The following CSMD2 variants were observed in gnomAD, a reference collection of about 807,000 sequenced individuals.
CSMD2 encodes the protein CUB and Sushi multiple domains 2, also known as CUB and sushi domain-containing protein 2.
A neutral mutation model predicts 398.5 loss-of-function variants in CSMD2; 130 were observed. The ratio of observed to expected loss-of-function variants is 0.33; its 90% CI spans 0.28 to 0.38. CSMD2 has a LOEUF of 0.38. CSMD2 is among the 10% of genes least tolerant of loss of function. The pLI is 1.00. For missense variants in CSMD2, 3,829 were observed against 4,764.9 expected (o/e 0.80, Z 5.78); for synonymous variants, 1,828 against 1,908.5 (o/e 0.96, Z 1.10).
At chr1:33,677,342 C>CA (rs1206275431) in intron 25 of CSMD2, among the ~76,000 whole-genome samples, 8 of 152,224 alleles carry the variant, frequency 5.3e-5, no homozygotes, top group African/African-American at 1.9e-4. Context: ...TTTATGCAGT[C>CA]AAAAAACACA....
At chr1:33,654,985 G>A (rs1237184971) in intron 27 of CSMD2, among the ~76,000 whole-genome samples, 6 of 152,240 alleles carry the variant, frequency 3.9e-5, no homozygotes, top group South Asian at 4.1e-4. Flanking sequence ...CCATGGCATC[G>A]GGCATGGGCT....
At chr1:34,046,805 T>C (rs1652567530) in intron 2 of CSMD2, among the ~76,000 whole-genome samples, 1 of 152,170 alleles carries the variant, frequency 6.6e-6, no homozygotes, top group Admixed American at 6.5e-5. Flanking sequence ...AGGATAAAAA[T>C]GCCTAAGACG....
At chr1:33,612,217 A>C (rs1323799406) in intron 40 of CSMD2, among the ~76,000 whole-genome samples, 1 of 152,218 alleles carries the variant, frequency 6.6e-6, no homozygotes, top group Non-Finnish European at 1.5e-5. Flanking sequence ...ATGAGATTAT[A>C]GATGGATTTT....
intron 15 of CSMD2, among the ~76,000 whole-genome samples, chr1:33,735,274 GGACAATAAC>G (rs2149233892): frequency 6.6e-6 from 1 of 152,248 alleles, no homozygotes; most frequent in African/African-American, 2.4e-5. Flanking sequence ...GTCCTAGCAG[GGACAATAAC>G]GACATCTATT....
chr1:33,761,487 G>A (rs1649807505), intron 13 of CSMD2, among the ~76,000 whole-genome samples: 1 of 152,214 alleles, frequency 6.6e-6, no homozygotes, highest in South Asian at 2.1e-4. Flanking sequence ...TTGGCATGAT[G>A]TAATCCAAGA....
At chr1:33,995,029 A>G (rs1402476714) in intron 3 of CSMD2, among the ~76,000 whole-genome samples, 1 of 149,786 alleles carries the variant, frequency 6.7e-6, no homozygotes, top group Admixed American at 6.7e-5. Context: ...GCCCCACCGC[A>G]CTCCAGCCTG....
intron 27 of CSMD2, among the ~76,000 whole-genome samples, chr1:33,653,587 G>A (rs1643870014): frequency 1.3e-5 from 2 of 152,140 alleles, no homozygotes; most frequent in South Asian, 4.2e-4. Flanking sequence ...TCAAGCAGGT[G>A]GGGAGGGAGA....
intron 44 of CSMD2, among the ~76,000 whole-genome samples, chr1:33,595,223 T>C (rs1639759710): frequency 6.6e-6 from 1 of 152,222 alleles, no homozygotes; most frequent in Non-Finnish European, 1.5e-5. Flanking sequence ...TTACTTGACC[T>C]TCAGAACTTT....
At chr1:33,963,681 A>C (rs1489138094) in intron 3 of CSMD2, among the ~76,000 whole-genome samples, 11 of 152,278 alleles carry the variant, frequency 7.2e-5, no homozygotes, top group African/African-American at 2.2e-4. Flanking sequence ...TTTTGGTCTG[A>C]CTTCTTCCAC....
At chr1:33,885,370 C>T (rs539578529) in intron 5 of CSMD2, 90 of 152,234 alleles carry the variant, frequency 5.9e-4, no homozygotes, top group African/African-American at 1.9e-3. Flanking sequence ...CAATCTACCA[C>T]AAGATGATTA....
chr1:33,694,324 T>C (rs1266630320), intron 24 of CSMD2, among the ~76,000 whole-genome samples: 1 of 152,070 alleles, frequency 6.6e-6, no homozygotes, highest in East Asian at 1.9e-4. Context: ...AAAAATTAGA[T>C]TGTGGTGATG....
chr1:34,125,859 C>T (rs1271922940), intron 1 of CSMD2, among the ~76,000 whole-genome samples: 1 of 152,180 alleles, frequency 6.6e-6, no homozygotes, highest in Admixed American at 6.5e-5. Context: ...AAGAGCCAGA[C>T]ATGCTGCTCC....
At chr1:33,798,500 G>A (rs1057046466) in intron 10 of CSMD2, among the ~76,000 whole-genome samples, 13 of 152,204 alleles carry the variant, frequency 8.5e-5, no homozygotes, top group Non-Finnish European at 1.3e-4. Flanking sequence ...TGGGCCTGGC[G>A]GGATGGAGAA....
intron 44 of CSMD2, chr1:33,598,665 G>GTTT (rs5773419): frequency 0.091 from 6,694 of 73,942 alleles, 425 homozygotes; most frequent in Non-Finnish European, 0.13. Context: ...AGTTTCCTGT[G>GTTT]TTTTTTTTTT....
intron 47 of CSMD2, among the ~76,000 whole-genome samples, chr1:33,582,179 T>A: frequency 6.6e-6 from 1 of 152,000 alleles, no homozygotes; most frequent in East Asian, 1.9e-4. Flanking sequence ...GATGAGAAGG[T>A]CCTAGAACAC....
At chr1:33,581,397 G>A (rs1476147927) in intron 47 of CSMD2, among the ~76,000 whole-genome samples, 1 of 146,344 alleles carries the variant, frequency 6.8e-6, no homozygotes, top group Admixed American at 6.8e-5. Context: ...AAATTATCTG[G>A]TCATGGTGGT....
intron 25 of CSMD2, among the ~76,000 whole-genome samples, chr1:33,666,727 C>T (rs1450511303): frequency 1.3e-5 from 2 of 151,968 alleles, no homozygotes; most frequent in Non-Finnish European, 2.9e-5. Flanking sequence ...AGAAGGAGAT[C>T]CCTAGGACAG....
chr1:34,052,213 A>G (rs1653262912), intron 2 of CSMD2, among the ~76,000 whole-genome samples: 1 of 151,604 alleles, frequency 6.6e-6, no homozygotes. Context: ...TACACACAGT[A>G]GCGTTCCCCA....
intron 5 of CSMD2, among the ~76,000 whole-genome samples, chr1:33,877,386 C>T (rs953692301): frequency 2.6e-5 from 4 of 152,146 alleles, no homozygotes; most frequent in East Asian, 1.9e-4. Flanking sequence ...TCCCCCTTGT[C>T]GCACTGGGGG....
Sources: gnomAD v4.1 joint callset for allele counts (sites outside exome capture counted in the v4.1 genomes callset) on GRCh38, gnomAD v4.1.1 for gene constraint, MANE v1.5 for transcripts, NCBI Gene and HGNC (gene_info 2026-07-23, HGNC 2026-07-21) for gene names.